SAMM50: variants seen among roughly 807,000 people sequenced by gnomAD.
SAMM50 encodes SAMM50 sorting and assembly machinery component, also known as sorting and assembly machinery component 50 homolog.
Under a neutral mutation model 66.9 loss-of-function variants are expected in SAMM50, and 47 were observed. That is an observed-to-expected ratio of 0.70 (90% CI 0.56 to 0.90). The LOEUF is 0.90. Ranked by LOEUF, SAMM50 falls within the 40% of genes least tolerant of loss-of-function variation. The pLI is 0.00. For synonymous variants in SAMM50, 191 were observed against 214.1 expected (o/e 0.89, Z 0.94); for missense variants, 535 against 595.3 (o/e 0.90, Z 1.05).
At chr22:43,968,979 G>A (rs1047669973) in intron 4 of SAMM50, among the ~76,000 whole-genome samples, 161 bp downstream of exon 4, 6 of 152,196 alleles carry the variant, frequency 3.9e-5, no homozygotes, top group African/African-American at 1.4e-4. Context: ...CAGTCTCAGG[G>A]AAGGGATTGG....
At chr22:43,973,203 C>A in intron 6 of SAMM50, 33 bp from the exon 7 acceptor site, 1 of 1,424,620 alleles carries the variant, frequency 7.0e-7, no homozygotes, top group Non-Finnish European at 9.9e-7. Context: ...ATCACTGTTT[C>A]AGCTTTTAAA....
intron 10 of SAMM50, among the ~76,000 whole-genome samples, chr22:43,978,432 CAAAAAAAAAAAAAAAA>C: frequency 1.4e-5 from 1 of 69,122 alleles, no homozygotes; most frequent in South Asian, 7.9e-4. Flanking sequence ...GACTCCTTCT[CAAAAAAAAAAAAAAAA>C]AAAAAGTAAC....
chr22:43,961,100 G>A (rs1290293382), intron 1 of SAMM50, among the ~76,000 whole-genome samples: 1 of 152,190 alleles, frequency 6.6e-6, no homozygotes, highest in Non-Finnish European at 1.5e-5. Context: ...ATACTGGCAG[G>A]TCAGTTACCT....
chr22:43,964,425 C>A, intron 2 of SAMM50, 27 bp from the exon 3 acceptor site: 3 of 1,297,160 alleles, frequency 2.3e-6, no homozygotes, highest in Non-Finnish European at 2.2e-6. Context: ...CATGTCATCC[C>A]TAATACTGTC....
Position 43,983,731 on chromosome 22 carries a change from G to A in SAMM50, c.1008-202G>A, listed in dbSNP as rs2050276190. 6.6e-6 allele frequency among the ~76,000 whole-genome samples: 1 copy of A among 152,120 alleles called. No homozygotes were observed. The highest frequency in any genetic ancestry group is 1.5e-5 in the Non-Finnish European group (1 of 68,028). ...CACCTGCATCTCCAAAGTTTGCAGT[G>A]TCTCCTTAGATGTTGAGATTTTTAT... On this transcript the variant is annotated intron_variant, in intron 11 of 14. Transcript: ENST00000350028. This position sits in a 1 kb window ranked among gnomAD's most constrained non-coding sequence, Gnocchi z 4.2.
rs550367189 is a variant in SAMM50 at position 43,963,879 on chromosome 22, G to A, written c.132+483G>A. ...TGAAATCCCTGCGGGGTCTTTAGAG[G>A]ATGCATACAGTTTTGTTTTGTTTTT... On this transcript the variant is annotated intron_variant, in intron 2 of 14. Coordinates refer to ENST00000350028, the MANE Select transcript of SAMM50 (RefSeq NM_015380.5). Among the ~76,000 whole-genome samples, 4 of 152,242 alleles carry A rather than the reference G, an allele frequency of 2.6e-5. No individual in the cohort carries two copies. The East Asian group carries it at 7.7e-4, about 29-fold the overall frequency.
chr22:43,967,561 CA>C (rs1442007669), intron 3 of SAMM50, among the ~76,000 whole-genome samples: 2 of 152,220 alleles, frequency 1.3e-5, no homozygotes, highest in Non-Finnish European at 2.9e-5. Flanking sequence ...CCATGGCCTG[CA>C]CTGGGCCTGC....
chr22:43,973,498 G>C (rs930897752), intron 7 of SAMM50, among the ~76,000 whole-genome samples, 175 bp downstream of exon 7: 2 of 152,188 alleles, frequency 1.3e-5, no homozygotes, highest in African/African-American at 4.8e-5. Flanking sequence ...ACAGGGACCC[G>C]AGAGTGGCTG....
At chr22:43,976,283 G>T in intron 8 of SAMM50, 100 bp downstream of exon 8, 5 of 1,419,374 alleles carry the variant, frequency 3.5e-6, no homozygotes, top group Middle Eastern at 3.7e-4. Flanking sequence ...ACTGAGAAGC[G>T]TCACCCAGAT....
At position 43,976,731 on chromosome 22, in the gene SAMM50, C is replaced by G. The variant is rs2050234512; in HGVS notation, c.778-19C>G. ...AGAACTTCTTAAAGTGAAAATATCC[C>G]CATTCAAATTTCTTTCAGCACGCCA... On this transcript the variant is annotated intron_variant, in intron 8 of 14. Transcript: ENST00000350028. The G allele has an allele frequency of 1.3e-6, 2 of 1,584,520 alleles. No individual in the cohort carries two copies. The highest frequency in any genetic ancestry group is 8.7e-7 in the Non-Finnish European group (1 of 1,154,996).
chr22:43,968,475 T>C (rs1291968032), intron 3 of SAMM50, among the ~76,000 whole-genome samples: 2 of 152,096 alleles, frequency 1.3e-5, no homozygotes, highest in African/African-American at 2.4e-5. Flanking sequence ...TGCGTTAGTC[T>C]TGTTGTTTAT....
intron 4 of SAMM50, 29 bp downstream of exon 4, chr22:43,968,847 A>AT: frequency 6.7e-7 from 1 of 1,496,656 alleles, no homozygotes; most frequent in South Asian, 1.1e-5. Context: ...TATCTTTATA[A>AT]TTCCCTTTCT....
At chr22:43,984,091 G>C (rs926934402) in intron 12 of SAMM50, 91 bp downstream of exon 12, 1 of 1,094,802 alleles carries the variant, frequency 9.1e-7, no homozygotes, top group African/African-American at 1.6e-5. Context: ...AGCGATAATA[G>C]ACATTCCTCT....
Position 43,969,831 on chromosome 22 carries a change from CAAGG to C in SAMM50, c.322+1017_322+1020del, listed in dbSNP as rs539599980. Among the ~76,000 whole-genome samples, 37 of 152,174 alleles carry C rather than the reference CAAGG, an allele frequency of 2.4e-4. 1 individual carries two copies. In the East Asian group the frequency reaches 4.8e-3, roughly 20 times the overall value. Reference sequence around the variant, plus strand: ...GTTGGGGGAATGGAGTGCTGGAAGACAAGGAAGAAAAGCCGTCAGGAGCCCAGAC... The same window carrying C: ...GTTGGGGGAATGGAGTGCTGGAAGACAAGAAAAGCCGTCAGGAGCCCAGAC... On this transcript the variant is annotated intron_variant, in intron 4 of 14. Coordinates refer to ENST00000350028, the MANE Select transcript of SAMM50 (RefSeq NM_015380.5).
At chr22:43,969,470 C>T (rs1261862843) in intron 4 of SAMM50, among the ~76,000 whole-genome samples, 3 of 152,066 alleles carry the variant, frequency 2.0e-5, no homozygotes, top group Non-Finnish European at 4.4e-5. Flanking sequence ...GCACACAGGG[C>T]GTGGTCTCCT....
In SAMM50 at chr22:43,972,236, G is replaced by C; in HGVS notation, c.323G>C (p.Gly108Ala). The change falls in exon 5 of 15, where the codon GGT becomes GCT. Residue 108 changes from glycine to alanine, a missense_variant and splice_region_variant. Transcript: ENST00000350028. ...QVDVLIDTCQ[G>A]DDALPNGLDV... ...TATTGTTTAATATTTTTTTATTTAG[G>C]TGATGACGCACTTCCAAATGGGTTA... The C allele has an allele frequency of 6.4e-7, 1 of 1,550,898 alleles. No individual in the cohort carries two copies. Among genetic ancestry groups the C allele is most frequent in the Non-Finnish European group, 8.7e-7 (1 of 1,148,154 alleles).
chr22:43,972,164 C>G (rs963193777), intron 4 of SAMM50, 72 bp from the exon 5 acceptor site: 1 of 875,610 alleles, frequency 1.1e-6, no homozygotes. Context: ...TGCTTTTTGT[C>G]TTTTTTAGCA....
intron 1 of SAMM50, among the ~76,000 whole-genome samples, chr22:43,962,425 G>T (rs1004107958): frequency 2.6e-5 from 4 of 152,186 alleles, no homozygotes; most frequent in African/African-American, 9.7e-5. Context: ...TAAATAGATA[G>T]ATACAATGTC....
chr22:43,968,875 T>C (rs1210501539), intron 4 of SAMM50, 57 bp downstream of exon 4: 1 of 1,247,782 alleles, frequency 8.0e-7, no homozygotes, highest in Non-Finnish European at 1.2e-6. Context: ...AGAGAAAAGC[T>C]GTTTTTATGG....
Sources: gnomAD v4.1 joint callset for allele counts (sites outside exome capture counted in the v4.1 genomes callset) on GRCh38, gnomAD v4.1.1 for gene constraint, Gnocchi (gnomAD v3.1) non-coding constraint, MANE v1.5 for transcripts, NCBI Gene and HGNC (gene_info 2026-07-23, HGNC 2026-07-21) for gene names.